Variants in ZNF385D observed in about 807,000 individuals in gnomAD.
ZNF385D encodes zinc finger protein 659.
A neutral mutation model predicts 35.8 loss-of-function variants in ZNF385D; 15 were observed. The observed-to-expected ratio is 0.42, with a 90% CI of 0.28 to 0.64. The LOEUF (loss-of-function observed/expected upper bound fraction) is 0.64. Among genes scored for constraint, ZNF385D ranks in the 30% least tolerant of loss-of-function variants. The probability of loss-of-function intolerance (pLI) is 0.23; values close to 1 mark genes in which losing one functional copy is unlikely to be tolerated. For synonymous variants in ZNF385D, 212 were observed against 186.8 expected (o/e 1.13, Z -1.10); for missense variants, 474 against 494.6 (o/e 0.96, Z 0.39).
chr3:21,939,563 G>A (rs1701418953), intron 3 of ZNF385D, among the ~76,000 whole-genome samples: 1 of 152,086 alleles, frequency 6.6e-6, no homozygotes, highest in Non-Finnish European at 1.5e-5. Context: ...AAGCCCTGTT[G>A]AGCTCCTAAA....
chr3:21,563,748 T>C (rs2063040723), intron 3 of ZNF385D, among the ~76,000 whole-genome samples: 1 of 152,188 alleles, frequency 6.6e-6, no homozygotes, highest in East Asian at 1.9e-4. Context: ...GCCTAGAGTG[T>C]GAATGCTCTC....
intron 1 of ZNF385D, among the ~76,000 whole-genome samples, chr3:21,670,852 T>C (rs2066555810): frequency 6.6e-6 from 1 of 151,584 alleles, no homozygotes; most frequent in South Asian, 2.1e-4. Flanking sequence ...ACCAAACAAC[T>C]GATGCTGCTC....
intron 3 of ZNF385D, among the ~76,000 whole-genome samples, chr3:21,848,391 G>C (rs888933354): frequency 6.6e-6 from 1 of 150,848 alleles, no homozygotes; most frequent in African/African-American, 2.4e-5. Flanking sequence ...GTATGTGGTA[G>C]GAAATAATAA....
intron 2 of ZNF385D, among the ~76,000 whole-genome samples, chr3:22,211,367 T>A (rs912294193): frequency 2.0e-5 from 3 of 151,900 alleles, no homozygotes; most frequent in Non-Finnish European, 2.9e-5. Context: ...TTTCAAAAAA[T>A]CTAGTTCCCT....
intron 2 of ZNF385D, among the ~76,000 whole-genome samples, chr3:22,263,258 C>T (rs1254527195): frequency 1.3e-5 from 2 of 152,016 alleles, no homozygotes; most frequent in African/African-American, 2.4e-5. Flanking sequence ...ATTCTTCAGT[C>T]ACCTCCAGCA....
intron 2 of ZNF385D, among the ~76,000 whole-genome samples, chr3:22,263,122 C>T (rs1700720036): frequency 6.6e-6 from 1 of 151,890 alleles, no homozygotes; most frequent in South Asian, 2.1e-4. Flanking sequence ...TCTTGGCTCC[C>T]CTCCTATTGT....
intron 3 of ZNF385D, among the ~76,000 whole-genome samples, chr3:22,125,400 C>A (rs1050230469): frequency 6.6e-6 from 1 of 151,948 alleles, no homozygotes; most frequent in African/African-American, 2.4e-5. Flanking sequence ...TGTCCTGGGA[C>A]TTTTATGGTT....
intron 2 of ZNF385D, among the ~76,000 whole-genome samples, chr3:21,610,445 T>C (rs1453950555): frequency 6.6e-6 from 1 of 152,146 alleles, no homozygotes; most frequent in African/African-American, 2.4e-5. Context: ...TGATATATAA[T>C]AAATTACTAC....
At chr3:21,975,720 T>TAC (rs1703562970) in intron 3 of ZNF385D, among the ~76,000 whole-genome samples, 1 of 4,546 alleles carries the variant, frequency 2.2e-4, no homozygotes, top group Non-Finnish European at 6.4e-4. Context: ...TATATATATA[T>TAC]ATATATATAT....
At chr3:22,017,980 A>G (rs1696990455) in intron 3 of ZNF385D, among the ~76,000 whole-genome samples, 1 of 151,944 alleles carries the variant, frequency 6.6e-6, no homozygotes, top group Non-Finnish European at 1.5e-5. Flanking sequence ...TAATCTTAAA[A>G]TATCTTCATA....
At chr3:21,977,875 T>C (rs1576063687) in intron 3 of ZNF385D, among the ~76,000 whole-genome samples, 1 of 151,972 alleles carries the variant, frequency 6.6e-6, no homozygotes, top group Admixed American at 6.6e-5. Context: ...GATGATTCAA[T>C]AGCTCTGTAC....
chr3:21,664,127 CACTT>C (rs1328079355), intron 2 of ZNF385D, among the ~76,000 whole-genome samples: 1 of 148,106 alleles, frequency 6.8e-6, no homozygotes, highest in Non-Finnish European at 1.5e-5. Context: ...AAAAAAAAGT[CACTT>C]ACTCGTTTCT....
intron 1 of ZNF385D, among the ~76,000 whole-genome samples, chr3:21,734,821 G>C (rs1279640225): frequency 2.0e-5 from 3 of 152,166 alleles, no homozygotes; most frequent in Non-Finnish European, 4.4e-5. Context: ...CCATGGGACA[G>C]CCAAGTTTTG....
intron 3 of ZNF385D, among the ~76,000 whole-genome samples, chr3:21,800,426 G>A (rs1014281687): frequency 6.6e-6 from 1 of 151,956 alleles, no homozygotes; most frequent in Non-Finnish European, 1.5e-5. Flanking sequence ...TTTTAGCAAT[G>A]TTGTAGTTTT....
chr3:21,486,015 C>T (rs990635792), intron 4 of ZNF385D, among the ~76,000 whole-genome samples: 3 of 144,222 alleles, frequency 2.1e-5, no homozygotes, highest in Non-Finnish European at 3.0e-5. Flanking sequence ...TCCTTGATAG[C>T]AATGAATTAT....
At chr3:21,945,412 G>A (rs929218589) in intron 3 of ZNF385D, among the ~76,000 whole-genome samples, 3 of 152,100 alleles carry the variant, frequency 2.0e-5, no homozygotes, top group Non-Finnish European at 2.9e-5. Flanking sequence ...TTTCTTCATA[G>A]AAGAGCAAAC....
chr3:22,218,755 G>A (rs763351146), intron 2 of ZNF385D, among the ~76,000 whole-genome samples: 7 of 151,788 alleles, frequency 4.6e-5, no homozygotes, highest in Non-Finnish European at 8.8e-5. Flanking sequence ...CAGCAACATG[G>A]GTTTTTACTA....
intron 3 of ZNF385D, among the ~76,000 whole-genome samples, chr3:22,003,620 A>G (rs929321246): frequency 6.6e-6 from 1 of 152,188 alleles, no homozygotes; most frequent in Non-Finnish European, 1.5e-5. Flanking sequence ...TAATGTCAGC[A>G]CTTTTGGAGG....
At position 21,872,353 on chromosome 3, in the gene ZNF385D, T is replaced by C. The variant is rs140222500; in HGVS notation, c.326-207325A>G. On this transcript the variant is annotated intron_variant, in intron 3 of 5. Coordinates refer to the ZNF385D transcript ENST00000494108. ...GTAAAGACTTTGAGGTCAAGAACCA[T>C]CTTTTCTATTATTCTTATATTCCTA... 3.3e-4 allele frequency among the ~76,000 whole-genome samples: 51 copies of C among 152,310 alleles called. No homozygotes were observed. The Middle Eastern group carries it at 0.014, about 41-fold the overall frequency.
Sources: gnomAD v4.1 joint callset for allele counts (sites outside exome capture counted in the v4.1 genomes callset) on GRCh38, gnomAD v4.1.1 for gene constraint, MANE v1.5 for transcripts, NCBI Gene and HGNC (gene_info 2026-07-23, HGNC 2026-07-21) for gene names.